The following XKR9 variants were observed in gnomAD, a reference collection of about 807,000 sequenced individuals.
XKR9 encodes the protein XK-related protein 9.
A neutral mutation model predicts 32.0 loss-of-function variants in XKR9; 32 were observed. The ratio of observed to expected loss-of-function variants is 1.00; its 90% CI spans 0.76 to 1.34. The LOEUF is 1.34. Among genes scored for constraint, XKR9 ranks in the 40% most tolerant of loss-of-function variants. The pLI, the probability that XKR9 is intolerant of heterozygous loss-of-function variation, is 0.00. For synonymous variants in XKR9, 168 were observed against 143.4 expected, an observed-to-expected ratio of 1.17 and a Z score of -1.22; for missense variants, 546 against 429.7, an observed-to-expected ratio of 1.27 and a Z score of -2.39.
rs147667474 is a variant in XKR9, at chr8:70,788,130, C to T, written n.353-1209C>T. Among the ~76,000 whole-genome samples, 670 of 152,202 alleles carry T rather than the reference C, an allele frequency of 4.4e-3. 4 individuals are homozygous for T. Among genetic ancestry groups the T allele is most frequent in the Non-Finnish European group, 6.5e-3 (443 of 67,978 alleles). On this transcript the variant is annotated intron_variant and non_coding_transcript_variant, in intron 2 of 3. Coordinates refer to the XKR9 transcript ENST00000520273. The stretch of plus-strand genomic sequence containing the variant: ...CAGCTGACCAGAGTTCAAACCTTGA[C>T]TCCTCCACTGATCAGTTCTGTGTGA...
At chr8:70,823,733 G>A in the XKR9 span, among the ~76,000 whole-genome samples, 4 of 152,132 alleles carry the variant, frequency 2.6e-5, no homozygotes, top group African/African-American at 9.7e-5. Context: ...AACGAGGTGA[G>A]TTTATGAGAT....
the XKR9 span, among the ~76,000 whole-genome samples, chr8:70,803,862 G>A: frequency 1.3e-5 from 2 of 152,212 alleles, no homozygotes; most frequent in Non-Finnish European, 2.9e-5. Flanking sequence ...TAGAACATGG[G>A]GTTGTGCCTG....
At chr8:70,856,701 A>G in the XKR9 span, among the ~76,000 whole-genome samples, 5 of 152,230 alleles carry the variant, frequency 3.3e-5, no homozygotes, top group African/African-American at 1.2e-4. Context: ...CAACTATTCC[A>G]AAATTGACCA....
chr8:70,755,764 TG>T (rs1284486046), intron 2 of XKR9, among the ~76,000 whole-genome samples: 18 of 12,402 alleles, frequency 1.5e-3, no homozygotes, highest in African/African-American at 4.2e-3. Flanking sequence ...TGTTGTGGGG[TG>T]GGGGGAGGGG....
chr8:70,979,005 C>G, the XKR9 span, among the ~76,000 whole-genome samples: 1 of 151,906 alleles, frequency 6.6e-6, no homozygotes, highest in Non-Finnish European at 1.5e-5. Context: ...TCAATGATAC[C>G]CTTTCTTCCA....
At chr8:70,808,301 C>A in the XKR9 span, among the ~76,000 whole-genome samples, 2 of 152,102 alleles carry the variant, frequency 1.3e-5, no homozygotes, top group South Asian at 2.1e-4. Flanking sequence ...ACTAGATGCC[C>A]ACATCAGAAA....
chr8:70,952,821 A>G, the XKR9 span, among the ~76,000 whole-genome samples: 1 of 152,240 alleles, frequency 6.6e-6, no homozygotes, highest in Non-Finnish European at 1.5e-5. Context: ...AGCTGTAGGC[A>G]CCACTAACCA....
At chr8:70,683,397 T>G in intron 3 of XKR9, 1 of 346,652 alleles carries the variant, frequency 2.9e-6, no homozygotes, top group Non-Finnish European at 5.6e-6. Flanking sequence ...TGTAGTTAAA[T>G]TCTACTGAAT....
the XKR9 span, among the ~76,000 whole-genome samples, chr8:70,871,173 A>G: frequency 6.6e-6 from 1 of 152,204 alleles, no homozygotes; most frequent in Admixed American, 6.5e-5. Context: ...AAATTTATTT[A>G]TCTCCTTACT....
chr8:70,799,153 T>G, the XKR9 span, among the ~76,000 whole-genome samples: 1 of 152,226 alleles, frequency 6.6e-6, no homozygotes, highest in South Asian at 2.1e-4. Context: ...GTGGCCATTT[T>G]AACAATATTG....
the XKR9 span, among the ~76,000 whole-genome samples, chr8:70,913,880 T>C: frequency 6.6e-5 from 10 of 152,150 alleles, no homozygotes; most frequent in East Asian, 1.9e-3. Flanking sequence ...TGGCCTCTCA[T>C]ATTCAATGTT....
At chr8:70,703,492 G>C (rs1408526668) in intron 3 of XKR9, among the ~76,000 whole-genome samples, 5 of 152,086 alleles carry the variant, frequency 3.3e-5, no homozygotes, top group Admixed American at 2.0e-4. Context: ...GATGGGCAAG[G>C]CAGCTCTCTA....
At chr8:70,845,658 A>G in the XKR9 span, among the ~76,000 whole-genome samples, 2 of 152,196 alleles carry the variant, frequency 1.3e-5, no homozygotes, top group Non-Finnish European at 2.9e-5. Context: ...AAAGTCATTC[A>G]AGAGCTTCAA....
chr8:70,715,462 G>T (rs531308811), intron 4 of XKR9, among the ~76,000 whole-genome samples: 2 of 152,230 alleles, frequency 1.3e-5, no homozygotes, highest in African/African-American at 4.8e-5. Context: ...GCAAGTGAGA[G>T]TCCCTGAAAT....
chr8:70,758,187 TACGTTGTTAA>T (rs1563470715), intron 2 of XKR9, among the ~76,000 whole-genome samples: 2 of 70,336 alleles, frequency 2.8e-5, no homozygotes, highest in Admixed American at 1.3e-4. Context: ...CCCCTGCCCC[TACGTTGTTAA>T]GCCTCTGATG....
chr8:70,936,735 C>A, the XKR9 span, among the ~76,000 whole-genome samples: 1 of 151,976 alleles, frequency 6.6e-6, no homozygotes, highest in African/African-American at 2.4e-5. Context: ...GGACCAAATG[C>A]CCTGGATTGA....
At chr8:70,997,136 A>G in the XKR9 span, among the ~76,000 whole-genome samples, 5 of 152,132 alleles carry the variant, frequency 3.3e-5, no homozygotes, top group Admixed American at 6.5e-5. Flanking sequence ...TGTCTCTACT[A>G]AAAGTACAAA....
intron 4 of XKR9, among the ~76,000 whole-genome samples, chr8:70,717,394 A>G (rs1241122476): frequency 1.3e-5 from 2 of 152,154 alleles, no homozygotes; most frequent in African/African-American, 2.4e-5. Flanking sequence ...AGGCATTTCC[A>G]TACATCCTCT....
chr8:70,713,748 A>G (rs1805997626), intron 4 of XKR9, among the ~76,000 whole-genome samples: 1 of 152,190 alleles, frequency 6.6e-6, no homozygotes, highest in Non-Finnish European at 1.5e-5. Flanking sequence ...CCTATATAGT[A>G]TAGGAGAAAG....
Sources: allele counts gnomAD v4.1 joint callset (sites outside exome capture counted in the v4.1 genomes callset), GRCh38; gene constraint gnomAD v4.1.1; transcripts MANE v1.5; gene names NCBI Gene and HGNC (gene_info 2026-07-23, HGNC 2026-07-21).